SAMD5: variants seen among roughly 807,000 people sequenced by gnomAD.
SAMD5 encodes the protein sterile alpha motif domain-containing protein 5.
In SAMD5, 13 loss-of-function variants were observed where a neutral mutation model predicts 11.3. The ratio of observed to expected loss-of-function variants is 1.15; its 90% CI spans 0.75 to 1.83. The LOEUF is 1.83. SAMD5 is among the 40% of genes most tolerant of loss of function. The probability of loss-of-function intolerance (pLI) is 0.00; values close to 1 mark genes in which losing one functional copy is unlikely to be tolerated. For synonymous variants in SAMD5, 129 were observed against 111.3 expected (o/e 1.16, Z -1.00); for missense variants, 255 against 239.1 (o/e 1.07, Z -0.44).
chr6:147,767,672 A>T, the SAMD5 span, among the ~76,000 whole-genome samples: 1 of 152,164 alleles, frequency 6.6e-6, no homozygotes, highest in Non-Finnish European at 1.5e-5. Flanking sequence ...CCAGGGAGAA[A>T]GCCCTCACCA....
At position 147,568,283 on chromosome 6, in the gene SAMD5, A is replaced by G. The variant is rs1789076807; in HGVS notation, c.*3827A>G. 1.0e-6 allele frequency: 1 copy of G among 985,270 alleles called. No homozygotes were observed. Among genetic ancestry groups the G allele is most frequent in the African/African-American group, 1.7e-5 (1 of 57,362 alleles). 61.0% of individuals were successfully genotyped at this position (985,270 alleles called of 1,614,324 possible). On this transcript the variant is annotated 3_prime_UTR_variant, in exon 2 of 2. Coordinates refer to ENST00000367474, the MANE Select transcript of SAMD5 (RefSeq NM_001030060.3). ...CACCTGCTTGAAAATTGATATGAGC[A>G]TGTCTGAATTTTTCCCTTATAAGAG...
chr6:147,802,399 C>T, the SAMD5 span, among the ~76,000 whole-genome samples: 14 of 150,962 alleles, frequency 9.3e-5, no homozygotes, highest in South Asian at 2.1e-4. Context: ...ATTAAAAAGA[C>T]GAATAGCACC....
At chr6:147,893,117 G>A in the SAMD5 span, among the ~76,000 whole-genome samples, 1 of 151,580 alleles carries the variant, frequency 6.6e-6, no homozygotes, top group African/African-American at 2.4e-5. Context: ...CAGGAGAATC[G>A]CTTGAACCTG....
chr6:147,605,026 C>T (rs925036226), intron 1 of SAMD5, among the ~76,000 whole-genome samples: 16 of 152,204 alleles, frequency 1.1e-4, no homozygotes, highest in Non-Finnish European at 1.9e-4. Context: ...GGTCTGGTTA[C>T]ATTTCCACAT....
the SAMD5 span, among the ~76,000 whole-genome samples, chr6:147,805,824 A>G: frequency 6.6e-6 from 1 of 152,210 alleles, no homozygotes; most frequent in Non-Finnish European, 1.5e-5. Context: ...GGGCACTCAC[A>G]ATTCACTGAC....
chr6:147,537,478 C>T (rs1405522769), intron 1 of SAMD5, among the ~76,000 whole-genome samples: 8 of 152,106 alleles, frequency 5.3e-5, no homozygotes, highest in Admixed American at 2.6e-4. Flanking sequence ...ACCGGCTGGG[C>T]GCGGTGGCTC....
intron 1 of SAMD5, among the ~76,000 whole-genome samples, chr6:147,552,205 G>A (rs534865680): frequency 4.3e-4 from 65 of 152,244 alleles, no homozygotes; most frequent in African/African-American, 1.6e-3. Context: ...ATGTTTTAAG[G>A]CTAACTGTGG....
intron 1 of SAMD5, among the ~76,000 whole-genome samples, chr6:147,727,167 T>C (rs1459054425): frequency 6.6e-6 from 1 of 152,214 alleles, no homozygotes; most frequent in Admixed American, 6.5e-5. Flanking sequence ...TTACACATAC[T>C]GTGTTCCAAC....
the SAMD5 span, among the ~76,000 whole-genome samples, chr6:147,875,790 A>G: frequency 3.9e-5 from 6 of 152,170 alleles, no homozygotes; most frequent in African/African-American, 1.4e-4. Flanking sequence ...CCAGTGCCTG[A>G]TGATCTGTCA....
chr6:147,639,875 G>A (rs1042250747), intron 1 of SAMD5, among the ~76,000 whole-genome samples: 18 of 150,738 alleles, frequency 1.2e-4, no homozygotes, highest in African/African-American at 3.9e-4. Flanking sequence ...ATTTCTAATT[G>A]AGATTTTTTT....
the SAMD5 span, among the ~76,000 whole-genome samples, chr6:147,803,722 G>A: frequency 6.6e-6 from 1 of 152,168 alleles, no homozygotes; most frequent in African/African-American, 2.4e-5. Context: ...CACGTGATCG[G>A]CAAGTAGCAA....
chr6:147,951,206 G>A, the SAMD5 span, among the ~76,000 whole-genome samples: 3 of 144,712 alleles, frequency 2.1e-5, no homozygotes, highest in Non-Finnish European at 4.5e-5. Context: ...TTTTTATGAC[G>A]GAGTCTCGCT....
chr6:147,633,049 G>C (rs1408230245), intron 1 of SAMD5, among the ~76,000 whole-genome samples: 4 of 152,128 alleles, frequency 2.6e-5, no homozygotes, highest in Admixed American at 1.3e-4. Context: ...TGTAACCCTT[G>C]AATGAAGAGG....
the SAMD5 span, among the ~76,000 whole-genome samples, chr6:147,797,424 G>A: frequency 1.0e-5 from 1 of 99,990 alleles, no homozygotes; most frequent in African/African-American, 6.7e-5. Context: ...AAGCCCACTT[G>A]ATCATGGTGG....
chr6:147,584,952 G>T (rs1161977511), intron 1 of SAMD5, among the ~76,000 whole-genome samples: 1 of 152,128 alleles, frequency 6.6e-6, no homozygotes, highest in Non-Finnish European at 1.5e-5. Flanking sequence ...ACAAACCAAT[G>T]GTCCTTAATA....
the SAMD5 span, among the ~76,000 whole-genome samples, chr6:147,860,916 C>T: frequency 6.6e-6 from 1 of 152,020 alleles, no homozygotes; most frequent in Non-Finnish European, 1.5e-5. Flanking sequence ...CCATATACAA[C>T]AATAATGAAG....
At chr6:147,603,729 G>T (rs1007180777) in intron 1 of SAMD5, among the ~76,000 whole-genome samples, 1 of 151,712 alleles carries the variant, frequency 6.6e-6, no homozygotes, top group East Asian at 1.9e-4. Context: ...AAGGGTTCAT[G>T]TAAATTGACA....
chr6:147,517,872 TG>T (rs1180034543), intron 1 of SAMD5, among the ~76,000 whole-genome samples: 4 of 151,306 alleles, frequency 2.6e-5, no homozygotes, highest in African/African-American at 4.9e-5. Flanking sequence ...AATAATGAGG[TG>T]TTTTTTTTTT....
chr6:147,942,156 C>T, the SAMD5 span, among the ~76,000 whole-genome samples: 22 of 152,240 alleles, frequency 1.4e-4, no homozygotes, highest in Non-Finnish European at 2.9e-5. Flanking sequence ...GGATTACAGG[C>T]GTGAGCCACT....
Sources: gnomAD v4.1 joint callset for allele counts (sites outside exome capture counted in the v4.1 genomes callset) on GRCh38, gnomAD v4.1.1 for gene constraint, MANE v1.5 for transcripts, NCBI Gene and HGNC (gene_info 2026-07-23, HGNC 2026-07-21) for gene names.